Variants in AK5 observed in about 807,000 individuals in gnomAD.
The protein encoded by AK5 is adenylate kinase isoenzyme 5.
AK5 carries 27 observed loss-of-function variants against 69.5 expected under a neutral mutation model. The observed-to-expected ratio is 0.39, with a 90% CI of 0.29 to 0.54. The LOEUF (loss-of-function observed/expected upper bound fraction) is 0.54, where lower values mean the gene tolerates loss of function less well. Among genes scored for constraint, AK5 ranks in the 20% least tolerant of loss-of-function variants. The probability of loss-of-function intolerance (pLI) is 0.71; values close to 1 mark genes in which losing one functional copy is unlikely to be tolerated. For synonymous variants in AK5, 260 were observed against 244.4 expected, an observed-to-expected ratio of 1.06 and a Z score of -0.60; for missense variants, 531 against 700.4, an observed-to-expected ratio of 0.76 and a Z score of 2.73.
chr1:77,342,547 C>T (rs187396169), intron 6 of AK5, among the ~76,000 whole-genome samples: 1 of 152,298 alleles, frequency 6.6e-6, no homozygotes, highest in African/African-American at 2.4e-5. Context: ...TGACAGAAAA[C>T]TTGCCTAGTA....
At chr1:77,544,071 G>A (rs1570343940) in intron 13 of AK5, among the ~76,000 whole-genome samples, 1 of 152,162 alleles carries the variant, frequency 6.6e-6, no homozygotes, top group South Asian at 2.1e-4. Context: ...TACTACACAC[G>A]ACAGCCTGTC....
intron 5 of AK5, among the ~76,000 whole-genome samples, chr1:77,300,454 C>A (rs1437635379): frequency 6.6e-6 from 1 of 152,128 alleles, no homozygotes; most frequent in Non-Finnish European, 1.5e-5. Flanking sequence ...GCTCATCCTG[C>A]GGGAGTTAAG....
At chr1:77,428,913 T>A (rs934381727) in intron 8 of AK5, among the ~76,000 whole-genome samples, 4 of 152,200 alleles carry the variant, frequency 2.6e-5, no homozygotes, top group Non-Finnish European at 4.4e-5. Context: ...TTCATCCATG[T>A]CCCTACAAAG....
At chr1:77,388,215 A>G (rs1444233811) in intron 6 of AK5, among the ~76,000 whole-genome samples, 1 of 152,180 alleles carries the variant, frequency 6.6e-6, no homozygotes. Flanking sequence ...TGCAAATACA[A>G]TATCACAAGT....
At chr1:77,283,620 C>T in intron 1 of AK5, 2 of 985,420 alleles carry the variant, frequency 2.0e-6, no homozygotes, top group Non-Finnish European at 2.4e-6. Flanking sequence ...AGGTAAACCA[C>T]TCACTGAACT....
chr1:77,516,736 TTG>T (rs1657666444), intron 10 of AK5, among the ~76,000 whole-genome samples: 2 of 151,202 alleles, frequency 1.3e-5, no homozygotes, highest in African/African-American at 4.9e-5. Context: ...AGTCCAAGAA[TTG>T]TGTTAGTTGG....
intron 8 of AK5, among the ~76,000 whole-genome samples, chr1:77,476,068 A>T (rs565636473): frequency 6.6e-6 from 1 of 152,348 alleles, no homozygotes; most frequent in Non-Finnish European, 1.5e-5. Context: ...GGTCTGTTAA[A>T]GCAGTTTATA....
At chr1:77,354,764 A>G (rs911738668) in intron 6 of AK5, among the ~76,000 whole-genome samples, 1 of 152,236 alleles carries the variant, frequency 6.6e-6, no homozygotes, top group Non-Finnish European at 1.5e-5. Context: ...GGTGTCAGCA[A>G]CCATGAGAGA....
chr1:77,482,576 C>G (rs1655318079), intron 8 of AK5, among the ~76,000 whole-genome samples: 1 of 151,984 alleles, frequency 6.6e-6, no homozygotes. Flanking sequence ...AGTTTGAGAC[C>G]AGCCTGGCCA....
At position 77,411,051 on chromosome 1, in the gene AK5, C is replaced by T; in HGVS notation, c.962C>T (p.Pro321Leu). 2 of 1,613,648 alleles carry T rather than the reference C, an allele frequency of 1.2e-6. No individual in the cohort carries two copies. The highest frequency in any genetic ancestry group is 1.7e-6 in the Non-Finnish European group (2 of 1,179,838). The part of the protein sequence containing the change: ...ISMAVDNKLF[P>L]NKEAAAGSSD... ...ATGGCAGTTGACAACAAGTTATTTC[C>T]AAACAAAGAGGCTGCAGCAGGTAAG... is the stretch of plus-strand genomic sequence containing the variant. Residue 321 changes from proline (P) to leucine (L), a missense_variant, in exon 7 of 14, where the codon CCA becomes CTA. By Grantham distance (98) the Pro-to-Leu change is moderately conservative. Transcript: ENST00000354567.
At chr1:77,474,097 G>A (rs1654681732) in intron 8 of AK5, among the ~76,000 whole-genome samples, 1 of 152,170 alleles carries the variant, frequency 6.6e-6, no homozygotes, top group African/African-American at 2.4e-5. Flanking sequence ...GGAAATTAAT[G>A]GACTCATTTG....
intron 13 of AK5, among the ~76,000 whole-genome samples, chr1:77,558,252 G>A (rs1660223787): frequency 1.3e-5 from 2 of 152,174 alleles, no homozygotes; most frequent in Non-Finnish European, 2.9e-5. Context: ...TATGGTAAGA[G>A]TATGTTCAGT....
intron 6 of AK5, among the ~76,000 whole-genome samples, chr1:77,370,436 T>C (rs1027123093): frequency 6.6e-6 from 1 of 152,054 alleles, no homozygotes; most frequent in Non-Finnish European, 1.5e-5. Flanking sequence ...CAGAAAAAAC[T>C]ACAAACAGAC....
At chr1:77,415,198 T>C (rs1478373100) in intron 7 of AK5, among the ~76,000 whole-genome samples, 1 of 152,224 alleles carries the variant, frequency 6.6e-6, no homozygotes, top group African/African-American at 2.4e-5. Context: ...ATTCTACCAT[T>C]GCTGATGATA....
chr1:77,354,662 T>G (rs1424559743), intron 6 of AK5, among the ~76,000 whole-genome samples: 1 of 152,208 alleles, frequency 6.6e-6, no homozygotes, highest in African/African-American at 2.4e-5. Context: ...ATAAACAGCT[T>G]TTCAGTAATG....
At chr1:77,458,595 G>A (rs1160109538) in intron 8 of AK5, among the ~76,000 whole-genome samples, 2 of 152,202 alleles carry the variant, frequency 1.3e-5, no homozygotes, top group Admixed American at 1.3e-4. Flanking sequence ...CACGTCTTAT[G>A]TGGATGGCAG....
chr1:77,356,458 T>A (rs1238703276), intron 6 of AK5, among the ~76,000 whole-genome samples: 1 of 152,044 alleles, frequency 6.6e-6, no homozygotes, highest in Non-Finnish European at 1.5e-5. Context: ...ACAGGGCTGG[T>A]GATTAAAAAC....
chr1:77,486,279 C>T lies in AK5; in HGVS notation c.1103-29C>T, dbSNP rs558606900. The T allele has an allele frequency of 2.0e-6, 3 of 1,467,212 alleles. No homozygotes were observed. The East Asian group carries it at 6.9e-5, about 34-fold the overall frequency. 90.9% of individuals were successfully genotyped at this position (1,467,212 alleles called of 1,614,324 possible). A position where few individuals can be genotyped will look rare whatever the true frequency, so the allele number is the denominator to read the frequency against. Reference sequence around the variant, plus strand: ...AGGGCTTCAGTACAGTTTTTCTTGCCAATAACTTAAGTTATTCTTATTTTA... The same window carrying T: ...AGGGCTTCAGTACAGTTTTTCTTGCTAATAACTTAAGTTATTCTTATTTTA... On this transcript the variant is annotated intron_variant, in intron 9 of 13. Transcript: ENST00000354567.
At chr1:77,429,618 G>A (rs1651457135) in intron 8 of AK5, among the ~76,000 whole-genome samples, 1 of 152,186 alleles carries the variant, frequency 6.6e-6, no homozygotes, top group Non-Finnish European at 1.5e-5. Context: ...GGGAGAATAA[G>A]TGCATGGTGC....
Sources: allele counts gnomAD v4.1 joint callset (sites outside exome capture counted in the v4.1 genomes callset), GRCh38; gene constraint gnomAD v4.1.1; transcripts MANE v1.5; gene names NCBI Gene and HGNC (gene_info 2026-07-23, HGNC 2026-07-21).